CABLES1: variants seen among roughly 807,000 people sequenced by gnomAD.
The protein encoded by CABLES1 is CDK5 and ABL1 enzyme substrate 1.
In CABLES1, 36 loss-of-function variants were observed where a neutral mutation model predicts 57.8. The ratio of observed to expected loss-of-function variants is 0.62; its 90% CI spans 0.48 to 0.82. CABLES1 has a LOEUF of 0.82. Among genes scored for constraint, CABLES1 ranks in the 40% least tolerant of loss-of-function variants. CABLES1 has a pLI of 0.00. For synonymous variants in CABLES1, 374 were observed against 363.0 expected (o/e 1.03, Z -0.35); for missense variants, 767 against 836.6 (o/e 0.92, Z 1.03).
At chr18:23,166,958 G>A (rs1349471842) in intron 1 of CABLES1, among the ~76,000 whole-genome samples, 1 of 152,154 alleles carries the variant, frequency 6.6e-6, no homozygotes, top group South Asian at 2.1e-4. Context: ...AACAGAGGAG[G>A]AAGGGTGGCA....
chr18:23,205,627 G>A (rs1490352567), intron 3 of CABLES1, among the ~76,000 whole-genome samples: 2 of 152,212 alleles, frequency 1.3e-5, no homozygotes, highest in Non-Finnish European at 2.9e-5. Flanking sequence ...TGTGGCAGAT[G>A]TAATTCACTA....
chr18:23,255,857 G>A (rs1051430019), intron 9 of CABLES1, among the ~76,000 whole-genome samples: 7 of 151,794 alleles, frequency 4.6e-5, no homozygotes, highest in South Asian at 2.1e-4. Context: ...CACCATACCC[G>A]GCCAAGAATT....
intron 1 of CABLES1, among the ~76,000 whole-genome samples, chr18:23,139,168 G>A (rs1039721377): frequency 5.3e-5 from 8 of 152,024 alleles, no homozygotes; most frequent in Non-Finnish European, 1.2e-4. Flanking sequence ...TTGGGAGGCC[G>A]AGGCAGGTGG....
chr18:23,253,097 T>C (rs765110203), intron 8 of CABLES1, 31 bp downstream of exon 8: 2 of 1,280,402 alleles, frequency 1.6e-6, no homozygotes, highest in Admixed American at 3.4e-5. Flanking sequence ...CTGTGACCTT[T>C]CCCTGCAAAC....
At chr18:23,209,378 A>G (rs979068924) in intron 3 of CABLES1, among the ~76,000 whole-genome samples, 5 of 152,220 alleles carry the variant, frequency 3.3e-5, no homozygotes, top group African/African-American at 1.2e-4. Context: ...TAAGGCCACA[A>G]CCACAGGTAC....
chr18:23,219,372 C>G (rs1045481274), intron 4 of CABLES1: 2 of 453,388 alleles, frequency 4.4e-6, no homozygotes, highest in Admixed American at 4.7e-5. Flanking sequence ...ATTCAGATGG[C>G]AGGATCCGAT....
intron 1 of CABLES1, among the ~76,000 whole-genome samples, chr18:23,138,977 C>T (rs1170852251): frequency 7.2e-5 from 11 of 152,088 alleles, no homozygotes. Flanking sequence ...TGCAGTTTAA[C>T]GAGATCCTCA....
intron 7 of CABLES1, among the ~76,000 whole-genome samples, chr18:23,246,178 C>T (rs1286795779): frequency 3.3e-5 from 5 of 151,556 alleles, no homozygotes; most frequent in Admixed American, 6.6e-5. Flanking sequence ...GCAAAAGAAT[C>T]GCTTGAACCT....
chr18:23,160,675 C>T (rs931523081), intron 1 of CABLES1, among the ~76,000 whole-genome samples: 1 of 152,146 alleles, frequency 6.6e-6, no homozygotes, highest in Non-Finnish European at 1.5e-5. Context: ...TGAGACTCCC[C>T]TGTGTGGGAG....
At chr18:23,214,248 C>T (rs1021299658) in intron 4 of CABLES1, 194 bp downstream of exon 4, 4 of 530,730 alleles carry the variant, frequency 7.5e-6, no homozygotes, top group Non-Finnish European at 1.0e-5. Context: ...TGTGTGTGTG[C>T]GTGTGTGTCC....
At chr18:23,216,454 C>T (rs2047442688) in intron 4 of CABLES1, among the ~76,000 whole-genome samples, 1 of 152,138 alleles carries the variant, frequency 6.6e-6, no homozygotes, top group Admixed American at 6.6e-5. Flanking sequence ...ACTGTAGCTC[C>T]CAGGAGTGAG....
At chr18:23,168,593 T>C (rs756033864) in intron 1 of CABLES1, among the ~76,000 whole-genome samples, 2 of 152,240 alleles carry the variant, frequency 1.3e-5, no homozygotes, top group Non-Finnish European at 2.9e-5. Flanking sequence ...TTGTATACTC[T>C]TAAAATGGTA....
At chr18:23,138,092 A>G (rs561982005) in intron 1 of CABLES1, among the ~76,000 whole-genome samples, 2 of 152,330 alleles carry the variant, frequency 1.3e-5, no homozygotes, top group South Asian at 2.1e-4. Context: ...CCAGCAGTCA[A>G]GAGGGTTATG....
At chr18:23,207,019 C>T (rs2047368960) in intron 3 of CABLES1, among the ~76,000 whole-genome samples, 1 of 152,014 alleles carries the variant, frequency 6.6e-6, no homozygotes, top group South Asian at 2.1e-4. Flanking sequence ...ATTATGTTGC[C>T]CAGGCTGGTC....
At chr18:23,254,309 T>C (rs2048111332) in intron 9 of CABLES1, among the ~76,000 whole-genome samples, 1 of 152,256 alleles carries the variant, frequency 6.6e-6, no homozygotes, top group Admixed American at 6.5e-5. Context: ...CTTGGCTTCC[T>C]ACTTCCTTAG....
At chr18:23,166,087 T>C (rs900635740) in intron 1 of CABLES1, among the ~76,000 whole-genome samples, 2 of 152,210 alleles carry the variant, frequency 1.3e-5, no homozygotes, top group African/African-American at 4.8e-5. Context: ...TATTGTTTCA[T>C]GGCCTTCTAC....
chr18:23,136,614 A>G lies in CABLES1; in HGVS notation c.845+7A>G. 1 of 1,388,606 alleles carries G rather than the reference A, an allele frequency of 7.2e-7. No individual in the cohort carries two copies. The highest frequency in any genetic ancestry group is 9.4e-7 in the Non-Finnish European group (1 of 1,066,452). 86.0% of individuals were successfully genotyped at this position (1,388,606 alleles called of 1,614,324 possible). ...AGCAGCTGCAGAGGTCCCGGTGAGTATCCGGGATGCGACGCGCACCCAACC... is the reference window on the plus strand; with the variant it reads ...AGCAGCTGCAGAGGTCCCGGTGAGTGTCCGGGATGCGACGCGCACCCAACC... On this transcript the variant is annotated splice_region_variant and intron_variant, in intron 1 of 9. Transcript: ENST00000256925.
intron 3 of CABLES1, among the ~76,000 whole-genome samples, chr18:23,200,489 C>G (rs963541090): frequency 6.6e-6 from 1 of 152,116 alleles, no homozygotes; most frequent in Non-Finnish European, 1.5e-5. Context: ...GTCTCGATCT[C>G]CTGACCTTGT....
intron 7 of CABLES1, among the ~76,000 whole-genome samples, chr18:23,245,756 GC>G (rs1355880568): frequency 2.0e-5 from 3 of 152,234 alleles, no homozygotes; most frequent in African/African-American, 7.2e-5. Context: ...CCTGTACGCA[GC>G]TGTGCACACA....
Sources: allele counts gnomAD v4.1 joint callset (sites outside exome capture counted in the v4.1 genomes callset), GRCh38; gene constraint gnomAD v4.1.1; transcripts MANE v1.5; gene names NCBI Gene and HGNC (gene_info 2026-07-23, HGNC 2026-07-21).